Variants in PSPC1 observed in about 807,000 individuals in gnomAD.
PSPC1 encodes paraspeckle protein 1.
A neutral mutation model predicts 51.6 loss-of-function variants in PSPC1; 14 were observed. The observed-to-expected ratio is 0.27, with a 90% confidence interval of 0.18 to 0.42. The LOEUF (loss-of-function observed/expected upper bound fraction) is 0.42. Ranked by LOEUF, PSPC1 falls within the 10% of genes least tolerant of loss-of-function variation. PSPC1 has a pLI of 1.00. For synonymous variants in PSPC1, 193 were observed against 231.9 expected (o/e 0.83, Z 1.53); for missense variants, 406 against 701.1 (o/e 0.58, Z 4.75).
chr13:19,688,410 A>G (rs1477862338), intron 6 of PSPC1, among the ~76,000 whole-genome samples: 2 of 152,074 alleles, frequency 1.3e-5, no homozygotes, highest in Non-Finnish European at 2.9e-5. Context: ...CTTATTTTGT[A>G]TTGTGTATTC....
intron 6 of PSPC1, among the ~76,000 whole-genome samples, chr13:19,729,024 T>C (rs1269342419): frequency 6.6e-6 from 1 of 152,180 alleles, no homozygotes; most frequent in Admixed American, 6.5e-5. Context: ...GCAATAACCC[T>C]TTAAAAACAG....
downstream of PSPC1, among the ~76,000 whole-genome samples, chr13:19,699,029 G>GA (rs974949470): frequency 3.3e-5 from 5 of 151,706 alleles, no homozygotes; most frequent in South Asian, 2.1e-4. Context: ...CGGTTTTACA[G>GA]AAAAAAAGGT....
intron 6 of PSPC1, among the ~76,000 whole-genome samples, chr13:19,695,609 G>A (rs1326637649): frequency 6.6e-6 from 1 of 152,090 alleles, no homozygotes; most frequent in Non-Finnish European, 1.5e-5. Context: ...TGCTAGAGCC[G>A]TTAAATATGC....
intron 6 of PSPC1, among the ~76,000 whole-genome samples, chr13:19,696,170 A>C (rs1389818459): frequency 6.6e-6 from 1 of 152,206 alleles, no homozygotes; most frequent in Non-Finnish European, 1.5e-5. Context: ...AAAACTGAGA[A>C]GATACCAAAT....
At chr13:19,715,309 GCACTAAGTAAGGTAAATTAA>G in intron 6 of PSPC1, among the ~76,000 whole-genome samples, 1 of 152,162 alleles carries the variant, frequency 6.6e-6, no homozygotes, top group Admixed American at 6.5e-5. Flanking sequence ...CAGGAAGCTT[GCACTAAGTAAGGTAAATTAA>G]CCTAACAAAT....
chr13:19,761,343 G>A (rs1887590752), intron 2 of PSPC1, among the ~76,000 whole-genome samples: 1 of 152,002 alleles, frequency 6.6e-6, no homozygotes. Flanking sequence ...AGGGGAAGAG[G>A]AATAAGCAGA....
At chr13:19,769,532 G>GA (rs894889929) in intron 2 of PSPC1, among the ~76,000 whole-genome samples, 2 of 149,784 alleles carry the variant, frequency 1.3e-5, no homozygotes, top group African/African-American at 4.9e-5. Flanking sequence ...CGGCCTGGGG[G>GA]ACAGAGCGAG....
downstream of PSPC1, among the ~76,000 whole-genome samples, chr13:19,701,045 GC>G (rs1879844174): frequency 6.6e-6 from 1 of 152,270 alleles, no homozygotes; most frequent in Non-Finnish European, 1.5e-5. Flanking sequence ...ACTTGGTAAA[GC>G]CGGAACAAGG....
chr13:19,779,772 G>A lies in PSPC1; in HGVS notation c.372+2614C>T, dbSNP rs1351246323. ...CTCCGCCCAGCCAGCCGGCCCGTCT[G>A]GGAGGTGAGGGGCGCCTCTGCCCGG... On this transcript the variant is annotated intron_variant, in intron 1 of 8. Coordinates refer to ENST00000338910, the MANE Select transcript of PSPC1 (RefSeq NM_001354909.2). Among the ~76,000 whole-genome samples, 166 of 81,698 alleles carry A rather than the reference G, an allele frequency of 2.0e-3. 3 individuals carry two copies. Among genetic ancestry groups the A allele is most frequent in the African/African-American group, 7.6e-3 (152 of 19,876 alleles). 53.6% of individuals were successfully genotyped at this position (81,698 alleles called of 152,430 possible).
intron 8 of PSPC1, among the ~76,000 whole-genome samples, chr13:19,704,772 G>T (rs1880437191): frequency 6.6e-6 from 1 of 151,980 alleles, no homozygotes. Context: ...TGTTTTCATA[G>T]TATTTAATCC....
At chr13:19,673,777 T>G (rs1876310192), downstream of PSPC1, among the ~76,000 whole-genome samples, 1 of 152,148 alleles carries the variant, frequency 6.6e-6, no homozygotes, top group Non-Finnish European at 1.5e-5. Flanking sequence ...GTTCAAATTA[T>G]CCGGGGGAAA....
chr13:19,695,971 G>A (rs1879174678), intron 6 of PSPC1, among the ~76,000 whole-genome samples: 1 of 152,032 alleles, frequency 6.6e-6, no homozygotes, highest in Non-Finnish European at 1.5e-5. Context: ...AGGTTAATAA[G>A]CCACCATGGG....
intron 2 of PSPC1, among the ~76,000 whole-genome samples, chr13:19,760,776 C>T (rs924064611): frequency 4.6e-5 from 7 of 151,410 alleles, no homozygotes; most frequent in African/African-American, 1.5e-4. Context: ...ATCACAAGAT[C>T]AGGAGTTTGA....
At chr13:19,705,121 C>T (rs982396828) in intron 8 of PSPC1, among the ~76,000 whole-genome samples, 5 of 152,206 alleles carry the variant, frequency 3.3e-5, no homozygotes, top group Non-Finnish European at 7.3e-5. Flanking sequence ...AGAAAAATAT[C>T]TGTAATTAAC....
chr13:19,698,713 G>C (rs1313835071), downstream of PSPC1, among the ~76,000 whole-genome samples: 1 of 151,836 alleles, frequency 6.6e-6, no homozygotes. Context: ...GAACAATTCT[G>C]ACAAACTTCT....
chr13:19,762,780 A>C (rs138760228), intron 2 of PSPC1, among the ~76,000 whole-genome samples: 261 of 152,214 alleles, frequency 1.7e-3, no homozygotes, highest in African/African-American at 6.1e-3. Context: ...CATCTTGTTT[A>C]TTTCACTTTC....
At chr13:19,733,450 C>G (rs544481131) in intron 5 of PSPC1, among the ~76,000 whole-genome samples, 4 of 152,028 alleles carry the variant, frequency 2.6e-5, no homozygotes, top group Non-Finnish European at 4.4e-5. Flanking sequence ...GACAGCCTCT[C>G]TCCACGAAAA....
chr13:19,695,473 A>G (rs1019529581), intron 6 of PSPC1, among the ~76,000 whole-genome samples: 37 of 152,244 alleles, frequency 2.4e-4, no homozygotes, highest in Non-Finnish European at 4.8e-4. Context: ...ATAAAGGGCA[A>G]TGTAGCACAA....
chr13:19,731,972 CTTAT>C (rs1479103984), intron 5 of PSPC1, among the ~76,000 whole-genome samples: 1 of 152,162 alleles, frequency 6.6e-6, no homozygotes, highest in Admixed American at 6.6e-5. Context: ...CCAGATTACT[CTTAT>C]AACGTACTTT....
Sources: allele counts gnomAD v4.1 joint callset (sites outside exome capture counted in the v4.1 genomes callset), GRCh38; gene constraint gnomAD v4.1.1; transcripts MANE v1.5; gene names NCBI Gene and HGNC (gene_info 2026-07-23, HGNC 2026-07-21).